Variants in STK39 observed in about 807,000 individuals in gnomAD.
The protein encoded by STK39 is STE20/SPS1-related proline-alanine-rich protein kinase.
A neutral mutation model predicts 77.8 loss-of-function variants in STK39; 20 were observed. The observed-to-expected ratio is 0.26, with a 90% CI of 0.18 to 0.37. The LOEUF is 0.37. Among genes scored for constraint, STK39 ranks in the 10% least tolerant of loss-of-function variants. The pLI is 1.00. For missense variants in STK39, 479 were observed against 656.5 expected (o/e 0.73, Z 2.95); for synonymous variants, 246 against 234.1 (o/e 1.05, Z -0.47).
At chr2:168,108,198 G>A (rs1019907555) in intron 10 of STK39, among the ~76,000 whole-genome samples, 6 of 152,066 alleles carry the variant, frequency 3.9e-5, no homozygotes, top group South Asian at 4.2e-4. Flanking sequence ...TTGACTCGAC[G>A]GTATACCAAC....
chr2:168,103,618 A>T (rs1020868994), intron 10 of STK39, among the ~76,000 whole-genome samples: 9 of 152,238 alleles, frequency 5.9e-5, no homozygotes, highest in Non-Finnish European at 1.2e-4. Flanking sequence ...ACATTCATGA[A>T]TACATGGAAA....
chr2:168,033,221 A>G (rs1450319118), intron 14 of STK39, among the ~76,000 whole-genome samples: 2 of 152,132 alleles, frequency 1.3e-5, no homozygotes, highest in African/African-American at 2.4e-5. Context: ...CTTAACCCTT[A>G]ATAAACACTC....
At chr2:167,959,196 G>T (rs1207314320) in intron 17 of STK39, among the ~76,000 whole-genome samples, 1 of 151,682 alleles carries the variant, frequency 6.6e-6, no homozygotes, top group Non-Finnish European at 1.5e-5. Context: ...TCGGCTCACT[G>T]CAACCTCCGC....
intron 14 of STK39, among the ~76,000 whole-genome samples, chr2:168,047,225 GCAA>G (rs1188196589): frequency 6.6e-6 from 1 of 152,180 alleles, no homozygotes; most frequent in East Asian, 1.9e-4. Flanking sequence ...ACACTTCCCT[GCAA>G]CAGAACAGCT....
chr2:168,052,819 A>C (rs1402954196), intron 14 of STK39, among the ~76,000 whole-genome samples: 1 of 152,222 alleles, frequency 6.6e-6, no homozygotes, highest in Non-Finnish European at 1.5e-5. Flanking sequence ...GAACAGCTTC[A>C]AAATGGAACC....
At chr2:167,991,961 C>A (rs914227899) in intron 16 of STK39, among the ~76,000 whole-genome samples, 1 of 152,158 alleles carries the variant, frequency 6.6e-6, no homozygotes, top group Non-Finnish European at 1.5e-5. Flanking sequence ...ACAGCCTGAT[C>A]GGCTTGAACA....
At chr2:168,107,861 T>A (rs1159770703) in intron 10 of STK39, among the ~76,000 whole-genome samples, 1 of 152,214 alleles carries the variant, frequency 6.6e-6, no homozygotes, top group Non-Finnish European at 1.5e-5. Context: ...AAACTTTGGG[T>A]AAAGAGCTCA....
chr2:168,241,052 T>C (rs1558892827), intron 1 of STK39, among the ~76,000 whole-genome samples: 1 of 151,276 alleles, frequency 6.6e-6, no homozygotes. Context: ...GAATGGGAGG[T>C]TCCTTCCAAC....
chr2:168,097,820 T>C (rs895460396), intron 10 of STK39, among the ~76,000 whole-genome samples: 35 of 152,248 alleles, frequency 2.3e-4, no homozygotes, highest in African/African-American at 7.2e-4. Flanking sequence ...TCCAAGTATA[T>C]CATGTGATTG....
intron 1 of STK39, among the ~76,000 whole-genome samples, chr2:168,197,140 A>T (rs1362264901): frequency 6.6e-6 from 1 of 152,200 alleles, no homozygotes. Context: ...TGCGGGCATG[A>T]ATCAACGATG....
chr2:168,207,053 C>T (rs1341416091), intron 1 of STK39, among the ~76,000 whole-genome samples: 1 of 152,170 alleles, frequency 6.6e-6, no homozygotes, highest in East Asian at 1.9e-4. Context: ...TAGCTTTACA[C>T]ATGCAGAACC....
At chr2:168,203,860 C>G (rs1559144744) in intron 1 of STK39, among the ~76,000 whole-genome samples, 1 of 152,248 alleles carries the variant, frequency 6.6e-6, no homozygotes, top group South Asian at 2.1e-4. Context: ...TCCCGAAGTG[C>G]TGGGATTACA....
intron 16 of STK39, among the ~76,000 whole-genome samples, chr2:168,009,686 T>C (rs1396314052): frequency 1.3e-5 from 2 of 152,194 alleles, no homozygotes; most frequent in Admixed American, 1.3e-4. Context: ...TTAAGTGTGA[T>C]GTCCATGTAA....
At chr2:168,171,221 A>C (rs1459298552) in intron 2 of STK39, among the ~76,000 whole-genome samples, 3 of 152,134 alleles carry the variant, frequency 2.0e-5, no homozygotes, top group Admixed American at 1.3e-4. Context: ...TCCCCTATCC[A>C]CCTGCTAGAA....
intron 14 of STK39, among the ~76,000 whole-genome samples, chr2:168,020,407 G>A (rs1684540590): frequency 6.6e-6 from 1 of 152,012 alleles, no homozygotes; most frequent in Non-Finnish European, 1.5e-5. Context: ...GAATGTTACA[G>A]ACACAGGAAT....
intron 1 of STK39, among the ~76,000 whole-genome samples, chr2:168,233,811 A>G (rs73971512): frequency 0.013 from 2,047 of 152,332 alleles, 50 homozygotes; most frequent in African/African-American, 0.047. Flanking sequence ...ATATCCAACC[A>G]AAAGACTCTA....
At chr2:168,230,458 C>A (rs1041933041) in intron 1 of STK39, among the ~76,000 whole-genome samples, 3 of 152,212 alleles carry the variant, frequency 2.0e-5, no homozygotes, top group Non-Finnish European at 4.4e-5. Flanking sequence ...AACCACCCAA[C>A]ACGCGAGCGA....
At chr2:168,229,275 C>T (rs866651073) in intron 1 of STK39, among the ~76,000 whole-genome samples, 41 of 151,866 alleles carry the variant, frequency 2.7e-4, no homozygotes, top group African/African-American at 8.9e-4. Flanking sequence ...ATCCCAGCTA[C>T]TCCAGAGGCT....
intron 16 of STK39, among the ~76,000 whole-genome samples, chr2:167,992,168 T>G (rs1238687946): frequency 6.6e-6 from 1 of 152,146 alleles, no homozygotes; most frequent in Non-Finnish European, 1.5e-5. Context: ...GGGGACAGAA[T>G]TTTTGCCATT....
Sources: gnomAD v4.1 joint callset for allele counts (sites outside exome capture counted in the v4.1 genomes callset) on GRCh38, gnomAD v4.1.1 for gene constraint, MANE v1.5 for transcripts, NCBI Gene and HGNC (gene_info 2026-07-23, HGNC 2026-07-21) for gene names.